Variants in SLC27A6 observed in about 807,000 individuals in gnomAD.
SLC27A6 encodes the protein long-chain fatty acid transport protein 6.
Under a neutral mutation model 63.9 loss-of-function variants are expected in SLC27A6, and 74 were observed. The observed-to-expected ratio is 1.16, with a 90% CI of 0.96 to 1.40. SLC27A6 has a LOEUF of 1.40. Ranked by LOEUF, SLC27A6 falls within the 40% of genes most tolerant of loss-of-function variation. The pLI is 0.00. For missense variants in SLC27A6, 794 were observed against 732.9 expected (o/e 1.08, Z -0.96); for synonymous variants, 287 against 260.8 (o/e 1.10, Z -0.97).
Position 129,015,875 on chromosome 5 carries a change from C to T in SLC27A6, c.970-10C>T. On this transcript the variant is annotated splice_polypyrimidine_tract_variant and intron_variant, in intron 4 of 9. Coordinates refer to ENST00000262462, the MANE Select transcript of SLC27A6 (RefSeq NM_001017372.3). The stretch of plus-strand genomic sequence containing the variant: ...GAACTAATTACAAGTAAAACATTTT[C>T]TTCTAACAGAGAGAAGGAGAAAAGG... The T allele has an allele frequency of 1.9e-6, 3 of 1,559,092 alleles. No homozygotes were observed. Among genetic ancestry groups the T allele is most frequent in the Non-Finnish European group, 2.6e-6 (3 of 1,158,240 alleles).
chr5:129,006,917 G>A (rs1417086946), intron 4 of SLC27A6, among the ~76,000 whole-genome samples: 1 of 142,182 alleles, frequency 7.0e-6, no homozygotes, highest in African/African-American at 2.6e-5. Flanking sequence ...CTAAAGTGCA[G>A]TTGAATAGAT....
intron 4 of SLC27A6, among the ~76,000 whole-genome samples, chr5:128,998,134 A>G (rs942728242): frequency 8.0e-4 from 121 of 151,518 alleles, no homozygotes; most frequent in African/African-American, 2.7e-3. Flanking sequence ...AAAAAAAAAA[A>G]AAAAATTAGC....
chr5:128,991,005 A>G (rs1354238181), intron 4 of SLC27A6, among the ~76,000 whole-genome samples: 4 of 152,224 alleles, frequency 2.6e-5, no homozygotes, highest in Admixed American at 6.5e-5. Flanking sequence ...AACACAGACC[A>G]GAAGAGTATG....
rs1749911769 is a variant in SLC27A6 at position 128,966,594 on chromosome 5, C to A, written c.457C>A (p.Pro153Thr). The change falls in exon 1 of 10, where the codon CCC (proline) becomes ACC (threonine). Residue 153 changes from proline to threonine, a missense_variant. Pro to Thr is a conservative substitution (Grantham distance 38). Transcript: ENST00000262462. ...CCTGAATTGCATCCGCGCCTGTGGG[C>A]CCAGAGCCCTAGTGGTGGGCGCAGG... ...SLLNCIRACG[P>T]RALVVGADLL... 2 of 1,536,456 alleles carry A rather than the reference C, an allele frequency of 1.3e-6. No homozygotes were observed. The highest frequency in any genetic ancestry group is 2.7e-5 in the African/African-American group (2 of 72,752).
chr5:129,016,618 T>C (rs1249513186), intron 5 of SLC27A6, among the ~76,000 whole-genome samples: 1 of 151,906 alleles, frequency 6.6e-6, no homozygotes, highest in Non-Finnish European at 1.5e-5. Flanking sequence ...ATGATGCCTT[T>C]TCTTGTTCTG....
intron 6 of SLC27A6, among the ~76,000 whole-genome samples, chr5:129,025,387 G>A (rs559790072): frequency 1.3e-5 from 2 of 151,792 alleles, no homozygotes; most frequent in African/African-American, 4.8e-5. Context: ...TGAAATACAG[G>A]GAATGTAGAC....
At chr5:128,967,633 T>C (rs1329004410) in intron 1 of SLC27A6, among the ~76,000 whole-genome samples, 1 of 152,194 alleles carries the variant, frequency 6.6e-6, no homozygotes, top group South Asian at 2.1e-4. Context: ...TATTTGTATA[T>C]CAAACCAAAG....
rs1455905608 is a variant in SLC27A6, at chr5:128,966,141, C to T, written c.4C>T (p.Leu2Phe). The change falls in exon 1 of 10, where the codon CTT (leucine) becomes TTT (phenylalanine). Residue 2 changes from leucine to phenylalanine, a missense_variant. Transcript: ENST00000262462. ...GTCTTCTGGCCCAGTTGCCCCCATG[C>T]TTCTGTCATGGCTAACAGTTCTAGG... Reference protein sequence around the residue: MLLSWLTVLGAG... With the variant: MFLSWLTVLGAG... 2.6e-6 allele frequency: 4 copies of T among 1,538,178 alleles called. No homozygotes were observed. The Admixed American group carries it at 8.4e-5, about 32-fold the overall frequency.
intron 1 of SLC27A6, among the ~76,000 whole-genome samples, chr5:128,967,710 G>A (rs1029393524): frequency 2.0e-5 from 3 of 152,024 alleles, no homozygotes; most frequent in African/African-American, 7.3e-5. Context: ...GTTCTTTTCA[G>A]TTCAACTTGT....
rs972637308 is a variant in SLC27A6 at position 128,967,772 on chromosome 5, A to G, written c.481+1154A>G. On this transcript the variant is annotated intron_variant, in intron 1 of 9. Coordinates refer to ENST00000262462, the MANE Select transcript of SLC27A6 (RefSeq NM_001017372.3). ...TTTTTCTTATTTATTATTATTTTTT[A>G]TTATTATACTTTAAGTTCTAGAGTA... is the stretch of plus-strand genomic sequence containing the variant. 2.6e-5 allele frequency among the ~76,000 whole-genome samples: 4 copies of G among 152,084 alleles called. No individual in the cohort carries two copies. The East Asian group carries it at 5.8e-4, about 22-fold the overall frequency.
At chr5:129,030,340 T>C (rs535958114) in intron 9 of SLC27A6, among the ~76,000 whole-genome samples, 2 of 152,144 alleles carry the variant, frequency 1.3e-5, no homozygotes, top group Admixed American at 1.3e-4. Context: ...TCAAATATAA[T>C]TTCCCAAAAT....
intron 5 of SLC27A6, among the ~76,000 whole-genome samples, chr5:129,022,028 T>A (rs569443236): frequency 9.2e-5 from 14 of 152,294 alleles, no homozygotes; most frequent in African/African-American, 3.4e-4. Context: ...TGAACAGGGC[T>A]CTGTTTTTGT....
intron 2 of SLC27A6, among the ~76,000 whole-genome samples, chr5:128,988,216 A>C (rs1336060143): frequency 6.6e-6 from 1 of 152,172 alleles, no homozygotes; most frequent in Non-Finnish European, 1.5e-5. Flanking sequence ...GTGGCAAAAA[A>C]AGACATTTTC....
chr5:128,970,017 A>T (rs1750076684), intron 1 of SLC27A6, among the ~76,000 whole-genome samples: 1 of 152,018 alleles, frequency 6.6e-6, no homozygotes, highest in Non-Finnish European at 1.5e-5. Context: ...ATCTATTGAG[A>T]TAATCATGTG....
intron 4 of SLC27A6, among the ~76,000 whole-genome samples, chr5:129,013,751 A>C (rs1340596905): frequency 1.3e-5 from 2 of 152,114 alleles, no homozygotes; most frequent in Non-Finnish European, 2.9e-5. Context: ...TCTCTTCAGA[A>C]TTGCCTCTTC....
chr5:129,015,073 A>C (rs933714451), intron 4 of SLC27A6, among the ~76,000 whole-genome samples: 5 of 152,206 alleles, frequency 3.3e-5, no homozygotes, highest in African/African-American at 1.2e-4. Flanking sequence ...CTGATTTATT[A>C]TTACATCTTG....
In SLC27A6 at chr5:128,988,670, T is replaced by A. The variant is rs1750872431; in HGVS notation, c.756T>A (p.Gly252=). 3.1e-6 allele frequency: 5 copies of A among 1,613,942 alleles called. No individual in the cohort carries two copies. Among genetic ancestry groups the A allele is most frequent in the Non-Finnish European group, 4.2e-6 (5 of 1,179,850 alleles). The stretch of plus-strand genomic sequence containing the variant: ...GTTCTGCTGTCCTGTGGGCTTTTGG[T>A]TGTACTGCTCATGACATTGTTTATA... The part of the protein sequence containing the change: ...LRGSAVLWAF[G]CTAHDIVYIT... The change falls in exon 3 of 10, where the codon GGT becomes GGA. Residue 252 remains glycine (G), a synonymous_variant. Coordinates refer to ENST00000262462, the MANE Select transcript of SLC27A6 (RefSeq NM_001017372.3).
chr5:129,015,836 A>G (rs1751872110), intron 4 of SLC27A6, 49 bp from the exon 5 acceptor site: 1 of 1,268,932 alleles, frequency 7.9e-7, no homozygotes, highest in Non-Finnish European at 1.1e-6. Context: ...TAATAAAGAA[A>G]GAATTAGAAA....
intron 6 of SLC27A6, among the ~76,000 whole-genome samples, chr5:129,026,623 A>G (rs1334954266): frequency 1.3e-5 from 2 of 152,072 alleles, no homozygotes; most frequent in African/African-American, 4.8e-5. Context: ...CGTGGCAACT[A>G]TTTTACCCCT....
Sources: gnomAD v4.1 joint callset for allele counts (sites outside exome capture counted in the v4.1 genomes callset) on GRCh38, gnomAD v4.1.1 for gene constraint, MANE v1.5 for transcripts, NCBI Gene and HGNC (gene_info 2026-07-23, HGNC 2026-07-21) for gene names.